Variants in OR1J2 observed in about 807,000 individuals in gnomAD.
The protein encoded by OR1J2 is olfactory receptor family 1 subfamily J member 2, also known as olfactory receptor 1J2.
For missense variants in OR1J2, 304 were observed against 246.1 expected (o/e 1.24, Z -1.57); for synonymous variants, 142 against 99.7 (o/e 1.42, Z -2.52).
chr9:122,521,579 C>T, the OR1J2 span, among the ~76,000 whole-genome samples: 1 of 152,220 alleles, frequency 6.6e-6, no homozygotes. Context: ...GCTGCAAGCA[C>T]AGGGTCACTT....
At chr9:122,519,559 T>A in the OR1J2 span, 189 of 1,614,154 alleles carry the variant, frequency 1.2e-4, no homozygotes, top group African/African-American at 2.3e-3. Flanking sequence ...AAAGAGGGAC[T>A]GTGTAACTTA....
At chr9:122,472,039 A>T in the OR1J2 span, among the ~76,000 whole-genome samples, 1 of 152,210 alleles carries the variant, frequency 6.6e-6, no homozygotes, top group Non-Finnish European at 1.5e-5. Flanking sequence ...TACTTATTTT[A>T]CCCTGCCCTA....
chr9:122,509,821 G>T (rs185852708), upstream of OR1J2, among the ~76,000 whole-genome samples: 95 of 152,164 alleles, frequency 6.2e-4, no homozygotes, highest in Non-Finnish European at 7.4e-5. Flanking sequence ...ATGTTGAAAG[G>T]TAGTTTAAAA....
the OR1J2 span, among the ~76,000 whole-genome samples, chr9:122,448,756 G>T: frequency 6.6e-6 from 1 of 152,090 alleles, no homozygotes; most frequent in Non-Finnish European, 1.5e-5. Flanking sequence ...CTTAAACCTT[G>T]ATTCCATACA....
At chr9:122,509,703 T>C (rs1828595448), upstream of OR1J2, among the ~76,000 whole-genome samples, 1 of 151,982 alleles carries the variant, frequency 6.6e-6, no homozygotes, top group African/African-American at 2.4e-5. Context: ...AAATGGGAAA[T>C]GTAGGAGAGA....
At chr9:122,565,692 C>T in the OR1J2 span, among the ~76,000 whole-genome samples, 1 of 152,226 alleles carries the variant, frequency 6.6e-6, no homozygotes, top group Non-Finnish European at 1.5e-5. Context: ...TAATACCTGA[C>T]AGGTAGTTTT....
At chr9:122,505,513 TTGGGGATTAA>T in the OR1J2 span, among the ~76,000 whole-genome samples, 16,291 of 152,162 alleles carry the variant, frequency 0.11, 963 homozygotes, top group Middle Eastern at 0.14. Flanking sequence ...CACTGACACA[TTGGGGATTAA>T]GTTTTAACAT....
the OR1J2 span, among the ~76,000 whole-genome samples, chr9:122,528,192 A>C: frequency 6.6e-6 from 1 of 152,218 alleles, no homozygotes; most frequent in East Asian, 1.9e-4. Context: ...GTTTTACAGA[A>C]GAACAACGAA....
At chr9:122,548,027 T>G in the OR1J2 span, among the ~76,000 whole-genome samples, 6 of 152,206 alleles carry the variant, frequency 3.9e-5, no homozygotes, top group African/African-American at 1.4e-4. Flanking sequence ...TAATTTTCAT[T>G]TCTCTGATGG....
chr9:122,498,816 C>T, the OR1J2 span, among the ~76,000 whole-genome samples: 1 of 152,048 alleles, frequency 6.6e-6, no homozygotes, highest in African/African-American at 2.4e-5. Flanking sequence ...CTTTCTTTCC[C>T]GTTAATGTTA....
At chr9:122,513,858 A>G (rs1639948883), downstream of OR1J2, among the ~76,000 whole-genome samples, 1 of 152,230 alleles carries the variant, frequency 6.6e-6, no homozygotes, top group Non-Finnish European at 1.5e-5. Flanking sequence ...AATGCAGCAC[A>G]TTAAAAATGA....
chr9:122,518,726 T>A, the OR1J2 span, among the ~76,000 whole-genome samples: 1 of 152,384 alleles, frequency 6.6e-6, no homozygotes, highest in East Asian at 1.9e-4. Flanking sequence ...CATCCCTATA[T>A]GTTGCTTACT....
chr9:122,570,785 T>C, the OR1J2 span, among the ~76,000 whole-genome samples: 3 of 152,166 alleles, frequency 2.0e-5, no homozygotes, highest in Non-Finnish European at 4.4e-5. Context: ...TGCTGATATA[T>C]TGAGTGAATC....
At chr9:122,507,392 C>A (rs11788651), upstream of OR1J2, among the ~76,000 whole-genome samples, 62,194 of 152,036 alleles carry the variant, frequency 0.41, 13,589 homozygotes, top group East Asian at 0.53. Flanking sequence ...GGCTTTGAGT[C>A]TTGGTAGGCT....
the OR1J2 span, chr9:122,519,541 C>T: frequency 1.2e-6 from 2 of 1,614,170 alleles, no homozygotes; most frequent in East Asian, 2.2e-5. Flanking sequence ...CGCTACACCA[C>T]TATCATGAAA....
At chr9:122,487,824 A>AC in the OR1J2 span, among the ~76,000 whole-genome samples, 3 of 152,354 alleles carry the variant, frequency 2.0e-5, no homozygotes, top group Admixed American at 1.3e-4. Context: ...TTTGCCGGAC[A>AC]CCAAGGACAG....
the OR1J2 span, among the ~76,000 whole-genome samples, chr9:122,579,725 A>G: frequency 4.6e-5 from 7 of 152,174 alleles, no homozygotes; most frequent in African/African-American, 1.7e-4. Flanking sequence ...ACATTTTATT[A>G]TCTGTTGTAT....
the OR1J2 span, chr9:122,553,940 C>T: frequency 1.2e-6 from 2 of 1,613,950 alleles, no homozygotes; most frequent in Non-Finnish European, 1.7e-6. Context: ...CCTTCTCTAC[C>T]TGTGGTTCTC....
chr9:122,526,969 C>G, the OR1J2 span: 16 of 1,614,106 alleles, frequency 9.9e-6, no homozygotes, highest in East Asian at 1.1e-4. Flanking sequence ...AAGAAGCTGT[C>G]TAGATCACCA....
Sources: gnomAD v4.1 joint callset for allele counts (sites outside exome capture counted in the v4.1 genomes callset) on GRCh38, gnomAD v4.1.1 for gene constraint, MANE v1.5 for transcripts, NCBI Gene and HGNC (gene_info 2026-07-23, HGNC 2026-07-21) for gene names.